DPP9: variants seen among roughly 807,000 people sequenced by gnomAD.
DPP9 encodes dipeptidyl peptidase 9, also known as dipeptidyl peptidase IV-related protein-2.
In DPP9, 50 loss-of-function variants were observed where a neutral mutation model predicts 110.7. The observed-to-expected ratio is 0.45, with a 90% CI of 0.36 to 0.57. The LOEUF is 0.57. DPP9 is among the 20% of genes least tolerant of loss of function. The probability of loss-of-function intolerance (pLI) is 0.00; values close to 1 mark genes in which losing one functional copy is unlikely to be tolerated. For synonymous variants in DPP9, 561 were observed against 514.4 expected, an observed-to-expected ratio of 1.09 and a Z score of -1.23; for missense variants, 1,022 against 1,217.9, an observed-to-expected ratio of 0.84 and a Z score of 2.39.
intron 3 of DPP9, chr19:4,719,567 T>A (rs1456483526): frequency 4.0e-6 from 2 of 498,426 alleles, no homozygotes. Flanking sequence ...GGGGAGCTCC[T>A]GGCATGAAGT....
rs540948550 is a variant in DPP9 at position 4,722,435 on chromosome 19, G to A, written c.-36+64C>T. ...CTGCCCATGTCTATATTCTAGAGCA[G>A]GCAAAGGAATCCCACCAGCCCACAC... is the stretch of plus-strand genomic sequence containing the variant. On this transcript the variant is annotated intron_variant, in intron 2 of 21. Coordinates refer to ENST00000262960, the MANE Select transcript of DPP9 (RefSeq NM_139159.5). 63 of 696,648 alleles carry A rather than the reference G, an allele frequency of 9.0e-5. No individual in the cohort carries two copies. The Admixed American group carries it at 1.2e-3, about 13-fold the overall frequency. 43.2% of individuals were successfully genotyped at this position (696,648 alleles called of 1,614,324 possible). A position where few individuals can be genotyped will look rare whatever the true frequency, so the allele number is the denominator to read the frequency against.
intron 3 of DPP9, chr19:4,715,883 C>A: frequency 6.6e-6 from 1 of 152,414 alleles, no homozygotes; most frequent in Non-Finnish European, 1.5e-5. Flanking sequence ...CACTCCCGCC[C>A]TCGTCACTTA....
At chr19:4,719,809 G>C in intron 3 of DPP9, 42 bp downstream of exon 3, 1 of 1,550,040 alleles carries the variant, frequency 6.5e-7, no homozygotes, top group South Asian at 1.2e-5. Flanking sequence ...CCAGAAGCTG[G>C]GCCACATCCT....
At chr19:4,683,853 G>GTT in intron 18 of DPP9, 1 of 1,521,272 alleles carries the variant, frequency 6.6e-7, no homozygotes. Flanking sequence ...GAGTGGCTCT[G>GTT]GGAGCCACGT....
chr19:4,684,755 G>A lies in DPP9; in HGVS notation c.2086C>T (p.Leu696=), dbSNP rs1463891303. The A allele has an allele frequency of 6.2e-7, 1 of 1,607,240 alleles. No homozygotes were observed. Among genetic ancestry groups the A allele is most frequent in the East Asian group, 2.2e-5 (1 of 44,654 alleles). ...ACCACGGCGTAGCCCAGGGAGGCCAGTGTGTTGAGCCGCAAGTACTTGATG... is the reference window on the plus strand; with the variant it reads ...ACCACGGCGTAGCCCAGGGAGGCCAATGTGTTGAGCCGCAAGTACTTGATG... ...KGIKYLRLNT[L]ASLGYAVVVI... is the part of the protein sequence containing the mutation. Residue 696 remains leucine (L), a synonymous_variant, in exon 18 of 22, where the codon CTG becomes TTG. Coordinates refer to ENST00000262960, the MANE Select transcript of DPP9 (RefSeq NM_139159.5). This position sits in a 1 kb window ranked among gnomAD's most constrained non-coding sequence, Gnocchi z 4.8.
chr19:4,692,100 T>G (rs1336273508), intron 13 of DPP9, among the ~76,000 whole-genome samples: 1 of 151,894 alleles, frequency 6.6e-6, no homozygotes, highest in Admixed American at 6.6e-5. Context: ...GGATTCCAGG[T>G]GTGAGCCACA....
chr19:4,710,972 G>A lies in DPP9; in HGVS notation c.313+3109C>T, dbSNP rs150452938. The stretch of plus-strand genomic sequence containing the variant: ...CCAGACACACACACGAGCCACAGGC[G>A]ACCCGACGATCTCATCTATGCGGAG... On this transcript the variant is annotated intron_variant, in intron 4 of 21. Coordinates refer to ENST00000262960, the MANE Select transcript of DPP9 (RefSeq NM_139159.5). This position sits in a 1 kb window ranked among gnomAD's most constrained non-coding sequence, Gnocchi z 5.6. Among the ~76,000 whole-genome samples, 11 of 152,310 alleles carry A rather than the reference G, an allele frequency of 7.2e-5. No individual in the cohort carries two copies. The highest frequency in any genetic ancestry group is 2.6e-4 in the African/African-American group (11 of 41,568).
At chr19:4,677,265 G>A (rs977794562) in intron 21 of DPP9, among the ~76,000 whole-genome samples, 1 of 152,114 alleles carries the variant, frequency 6.6e-6, no homozygotes, top group African/African-American at 2.4e-5. Flanking sequence ...TCCTGCCTCT[G>A]GCCACGAAGG....
At position 4,683,486 on chromosome 19, in the gene DPP9, C is replaced by G. The variant is rs1299804932; in HGVS notation, c.2322G>C (p.Gln774His). 1.2e-6 allele frequency: 2 copies of G among 1,613,062 alleles called. No individual in the cohort carries two copies. Among genetic ancestry groups the G allele is most frequent in the Non-Finnish European group, 1.7e-6 (2 of 1,179,844 alleles). The change falls in exon 19 of 22, where the codon CAG (glutamine) becomes CAC (histidine). Residue 774 changes from glutamine (Q) to histidine (H), a missense_variant. By Grantham distance (24) the Gln-to-His change is conservative (BLOSUM62 0). Transcript: ENST00000262960. ...CAGGGGTGGGACCCACCTTGAACAC[C>G]TGGGGCTTGTGGATTAGCCCCATGA... ...LSLMGLIHKPQVFKVAIAGAP... is the reference protein window; with the variant it reads ...LSLMGLIHKPHVFKVAIAGAP...
chr19:4,695,492 G>T lies in DPP9; in HGVS notation c.1239C>A (p.Ala413=). 6.4e-7 allele frequency: 1 copy of T among 1,562,748 alleles called. No homozygotes were observed. The highest frequency in any genetic ancestry group is 2.4e-5 in the East Asian group (1 of 42,086). ...CATTCTCTGTGCTCGGGATGAACAG[G>T]GCCGGGGGGAGGAGGACGAGCTGGA... ...QWLQLVLLPP[A]LFIPSTENEE... is the part of the protein sequence containing the mutation. The change falls in exon 12 of 22, where the codon GCC becomes GCA. Residue 413 remains alanine, a synonymous_variant. Coordinates refer to ENST00000262960, the MANE Select transcript of DPP9 (RefSeq NM_139159.5). The surrounding 1 kb of genome is among the most constrained non-coding windows in gnomAD (Gnocchi z 4.7).
Position 4,687,341 on chromosome 19 carries a change from C to T in DPP9, c.1885+1416G>A, listed in dbSNP as rs985536393. ...AGGGCCAGGGTGGGTTGTCCTTGTA[C>T]TGAGTGATGCCTGGGAGCCCAGCAG... On this transcript the variant is annotated intron_variant, in intron 16 of 21. Transcript: ENST00000262960. The surrounding 1 kb of genome is among the most constrained non-coding windows in gnomAD (Gnocchi z 4.7). Among the ~76,000 whole-genome samples the T allele has an allele frequency of 1.2e-4, 19 of 152,216 alleles. No individual in the cohort carries two copies. The highest frequency in any genetic ancestry group is 2.8e-4 in the Non-Finnish European group (19 of 68,026).
intron 2 of DPP9, 171 bp downstream of exon 2, chr19:4,722,328 G>A (rs557165766): frequency 3.4e-6 from 2 of 587,206 alleles, no homozygotes; most frequent in East Asian, 5.8e-5. Flanking sequence ...GGGGTGGAAA[G>A]AAAAGCCTCC....
In DPP9 at chr19:4,685,168, C is replaced by T. The variant is rs900785323; in HGVS notation, c.2032-359G>A. On this transcript the variant is annotated intron_variant, in intron 17 of 21. Coordinates refer to ENST00000262960, the MANE Select transcript of DPP9 (RefSeq NM_139159.5). This position sits in a 1 kb window ranked among gnomAD's most constrained non-coding sequence, Gnocchi z 5.8. ...GAAGCCACTCCAGGCCAGGAGAACT[C>T]GCAGTGGTGATGAACCACAAAGTAC... 2.2e-5 allele frequency: 12 copies of T among 539,924 alleles called. No homozygotes were observed. In the East Asian group the frequency reaches 2.8e-4, roughly 12 times the overall value. The allele number at this position is 539,924 out of a possible 1,614,324, so 33.4% of individuals were successfully genotyped here.
chr19:4,714,208 C>A lies in DPP9; in HGVS notation c.186G>T (p.Gly62=), dbSNP rs1430338636. Residue 62 remains glycine, a synonymous_variant, in exon 4 of 22, where the codon GGG becomes GGT. Coordinates refer to ENST00000262960, the MANE Select transcript of DPP9 (RefSeq NM_139159.5). Reference sequence around the variant, plus strand: ...GGCTGCCGTGGATGATGCTCCGGAGCCCGTCCCACGAGTGCTTCTGCACCT... The same window carrying A: ...GGCTGCCGTGGATGATGCTCCGGAGACCGTCCCACGAGTGCTTCTGCACCT... ...RFQVQKHSWD[G]LRSIIHGSRK... is the part of the protein sequence containing the mutation. 1 of 1,606,726 alleles carries A rather than the reference C, an allele frequency of 6.2e-7. No homozygotes were observed. The highest frequency in any genetic ancestry group is 2.2e-5 in the East Asian group (1 of 44,460).
intron 19 of DPP9, chr19:4,683,098 T>C: frequency 6.7e-7 from 1 of 1,481,540 alleles, no homozygotes; most frequent in Non-Finnish European, 9.0e-7. Flanking sequence ...ACTGCCCGTC[T>C]GCCTCCTCCT....
At chr19:4,714,747 A>AC (rs2092995901) in intron 3 of DPP9, among the ~76,000 whole-genome samples, 1 of 151,702 alleles carries the variant, frequency 6.6e-6, no homozygotes, top group Admixed American at 6.6e-5. Flanking sequence ...CACTGCCAAG[A>AC]CCCCATCACT....
chr19:4,676,512 G>T lies in DPP9; in HGVS notation c.*52C>A. On this transcript the variant is annotated 3_prime_UTR_variant, in exon 22 of 22. Coordinates refer to ENST00000262960, the MANE Select transcript of DPP9 (RefSeq NM_139159.5). This position sits in a 1 kb window ranked among gnomAD's most constrained non-coding sequence, Gnocchi z 4.0. ...CTCAGTCCCTCCCGCCTGGTTCCCC[G>T]CGGAGGCTGCAGCCACTTGTGCTGT... 4.0e-6 allele frequency: 6 copies of T among 1,490,426 alleles called. No individual in the cohort carries two copies. Among genetic ancestry groups the T allele is most frequent in the Non-Finnish European group, 5.5e-6 (6 of 1,089,182 alleles). 92.3% of individuals were successfully genotyped at this position (1,490,426 alleles called of 1,614,324 possible). A position where few individuals can be genotyped will look rare whatever the true frequency, so the allele number is the denominator to read the frequency against.
At position 4,676,507 on chromosome 19, in the gene DPP9, T is replaced by TCC; in HGVS notation, c.*55_*56dup. 1 of 1,459,894 alleles carries TCC rather than the reference T, an allele frequency of 6.8e-7. No homozygotes were observed. Among genetic ancestry groups the TCC allele is most frequent in the Non-Finnish European group, 9.4e-7 (1 of 1,062,736 alleles). 90.4% of individuals were successfully genotyped at this position (1,459,894 alleles called of 1,614,324 possible). On this transcript the variant is annotated 3_prime_UTR_variant, in exon 22 of 22. Coordinates refer to ENST00000262960, the MANE Select transcript of DPP9 (RefSeq NM_139159.5). This position sits in a 1 kb window ranked among gnomAD's most constrained non-coding sequence, Gnocchi z 4.0. ...GGCCACTCAGTCCCTCCCGCCTGGT[T>TCC]CCCCGCGGAGGCTGCAGCCACTTGT...
Position 4,698,028 on chromosome 19 carries a change from GC to G in DPP9, c.1075-378del, listed in dbSNP as rs2091945422. 6.6e-6 allele frequency among the ~76,000 whole-genome samples: 1 copy of G among 150,766 alleles called. No individual in the cohort carries two copies. The highest frequency in any genetic ancestry group is 1.5e-5 in the Non-Finnish European group (1 of 67,624). On this transcript the variant is annotated intron_variant, in intron 10 of 21. Coordinates refer to ENST00000262960, the MANE Select transcript of DPP9 (RefSeq NM_139159.5). This position sits in a 1 kb window ranked among gnomAD's most constrained non-coding sequence, Gnocchi z 4.2. ...GACATTATCAATTTCGGCCGTGTAA[GC>G]CTCCCAGTCTGTGGTCCTTTGTCAT...
Sources: gnomAD v4.1 joint callset for allele counts (sites outside exome capture counted in the v4.1 genomes callset) on GRCh38, gnomAD v4.1.1 for gene constraint, Gnocchi (gnomAD v3.1) non-coding constraint, MANE v1.5 for transcripts, NCBI Gene and HGNC (gene_info 2026-07-23, HGNC 2026-07-21) for gene names.